MAEA: variants seen among roughly 807,000 people sequenced by gnomAD.
MAEA encodes E3 ubiquitin-protein transferase MAEA.
MAEA carries 22 observed loss-of-function variants against 46.2 expected under a neutral mutation model. The observed-to-expected ratio is 0.48, with a 90% CI of 0.34 to 0.68. The LOEUF (loss-of-function observed/expected upper bound fraction) is 0.68, where lower values mean the gene tolerates loss of function less well. Among genes scored for constraint, MAEA ranks in the 30% least tolerant of loss-of-function variants. The pLI is 0.01. For missense variants in MAEA, 393 were observed against 558.1 expected (o/e 0.70, Z 2.98); for synonymous variants, 246 against 222.6 (o/e 1.11, Z -0.94).
In MAEA at chr4:1,336,978, T is replaced by A; in HGVS notation, c.883T>A (p.Ser295Thr). The change falls in exon 7 of 9, where the codon TCA becomes ACA. Residue 295 changes from serine to threonine, a missense_variant. By Grantham distance (58) the Ser-to-Thr change is moderately conservative. Transcript: ENST00000303400. ...CACCCTCACCCTGCAGGCTGGCCTC[T>A]CAGCCATCAAGACACCGTATCCTAC... is the stretch of plus-strand genomic sequence containing the variant. The part of the protein sequence containing the change: ...VFTLTLQAGL[S>T]AIKTPQCYKE... 6.2e-7 allele frequency: 1 copy of A among 1,613,974 alleles called. No homozygotes were observed. The highest frequency in any genetic ancestry group is 8.5e-7 in the Non-Finnish European group (1 of 1,180,008).
intron 1 of MAEA, among the ~76,000 whole-genome samples, chr4:1,306,350 T>TA (rs954921829): frequency 3.9e-5 from 6 of 151,948 alleles, no homozygotes; most frequent in African/African-American, 1.5e-4. Flanking sequence ...TTTTCCCCAT[T>TA]AAAAAAATGG....
At chr4:1,297,871 G>C (rs1425632672) in intron 1 of MAEA, 2 of 408,478 alleles carry the variant, frequency 4.9e-6, no homozygotes, top group Non-Finnish European at 1.0e-5. Flanking sequence ...GCTGTGGTCA[G>C]CCTCTTGCGT....
At chr4:1,300,708 G>A (rs1187812645) in intron 1 of MAEA, among the ~76,000 whole-genome samples, 1 of 152,262 alleles carries the variant, frequency 6.6e-6, no homozygotes, top group Non-Finnish European at 1.5e-5. Flanking sequence ...GGCTGGCTAA[G>A]GCTGGGCCTA....
intron 3 of MAEA, 101 bp downstream of exon 3, chr4:1,315,701 C>T (rs1284794376): frequency 1.8e-6 from 2 of 1,098,018 alleles, no homozygotes; most frequent in Admixed American, 2.1e-5. Flanking sequence ...TCCCTACATG[C>T]TTGTGTTCCC....
intron 1 of MAEA, among the ~76,000 whole-genome samples, chr4:1,291,020 C>T (rs532638703): frequency 6.6e-6 from 1 of 152,276 alleles, no homozygotes; most frequent in South Asian, 2.1e-4. Flanking sequence ...TGAGTGACCA[C>T]GTATTGTTTC....
intron 3 of MAEA, among the ~76,000 whole-genome samples, chr4:1,318,664 C>T (rs1737628324): frequency 6.6e-6 from 1 of 152,092 alleles, no homozygotes; most frequent in Non-Finnish European, 1.5e-5. Flanking sequence ...CACTAGGAAG[C>T]CCTGGGGAAG....
intron 3 of MAEA, 96 bp downstream of exon 3, chr4:1,315,696 A>ACACGG: frequency 8.9e-7 from 1 of 1,124,356 alleles, no homozygotes; most frequent in Non-Finnish European, 1.3e-6. Flanking sequence ...CTGTGTCCCT[A>ACACGG]CATGCTTGTG....
intron 3 of MAEA, among the ~76,000 whole-genome samples, chr4:1,316,524 C>T (rs1484850036): frequency 6.6e-6 from 1 of 152,122 alleles, no homozygotes; most frequent in Non-Finnish European, 1.5e-5. Context: ...CCCCATGGCC[C>T]TGTCCCGGGC....
At chr4:1,305,934 G>A (rs1327254785) in intron 1 of MAEA, among the ~76,000 whole-genome samples, 1 of 152,204 alleles carries the variant, frequency 6.6e-6, no homozygotes, top group Non-Finnish European at 1.5e-5. Flanking sequence ...CTGTCGGGCG[G>A]GCGGGAGATC....
chr4:1,291,967 G>C (rs1295948336), intron 1 of MAEA, among the ~76,000 whole-genome samples: 1 of 152,190 alleles, frequency 6.6e-6, no homozygotes, highest in Non-Finnish European at 1.5e-5. Flanking sequence ...GATAATGGAG[G>C]TGTTTTGCTG....
chr4:1,293,720 C>T (rs1463248149), intron 1 of MAEA, among the ~76,000 whole-genome samples: 1 of 152,228 alleles, frequency 6.6e-6, no homozygotes. Flanking sequence ...CCCCAGAGGA[C>T]AGGCTGAGAA....
chr4:1,311,109 G>GC lies in MAEA; in HGVS notation c.70-869dup, dbSNP rs1736442236. Among the ~76,000 whole-genome samples the GC allele has an allele frequency of 6.6e-6, 1 of 152,228 alleles. No individual in the cohort carries two copies. Among genetic ancestry groups the GC allele is most frequent in the Non-Finnish European group, 1.5e-5 (1 of 68,038 alleles). The stretch of plus-strand genomic sequence containing the variant: ...GGCTGGAGAGGAGGCGAGGTGGAGC[G>GC]CTTGTTCTGGCACAGCTGCGACGGC... On this transcript the variant is annotated intron_variant, in intron 1 of 8. Coordinates refer to ENST00000303400, the MANE Select transcript of MAEA (RefSeq NM_001017405.3). The surrounding 1 kb of genome is among the most constrained non-coding windows in gnomAD (Gnocchi z 4.4).
intron 3 of MAEA, among the ~76,000 whole-genome samples, chr4:1,320,839 G>A (rs1204758378): frequency 2.0e-5 from 3 of 151,530 alleles, no homozygotes; most frequent in East Asian, 2.0e-4. Context: ...GGTGGCTCAC[G>A]CCTGTAATCC....
At chr4:1,327,799 TC>T in intron 5 of MAEA, 96 bp downstream of exon 5, 2 of 868,762 alleles carry the variant, frequency 2.3e-6, no homozygotes, top group South Asian at 3.6e-5. Context: ...TCCTGGGACG[TC>T]CCCTGGGTCG....
intron 7 of MAEA, chr4:1,337,483 A>C: frequency 1.1e-5 from 2 of 184,840 alleles, no homozygotes; most frequent in East Asian, 1.8e-4. Flanking sequence ...CCTGCCTGTG[A>C]CTCACTCGGC....
rs111976222 is a variant in MAEA, at chr4:1,315,567, G to A, written c.423G>A (p.Thr141=). The change falls in exon 3 of 9, where the codon ACG becomes ACA. Residue 141 remains threonine, a synonymous_variant. Transcript: ENST00000303400. ...TGCTGCGTTGCGGCTACTACAACAC[G>A]GCTGTCAAGCTGGCGCGCCAGAGCG... is the stretch of plus-strand genomic sequence containing the variant. ...EHLLRCGYYN[T]AVKLARQSGI... is the part of the protein sequence containing the mutation. 9,347 of 1,613,474 alleles carry A rather than the reference G, an allele frequency of 5.8e-3. 43 individuals are homozygous for A. Among genetic ancestry groups the A allele is most frequent in the Middle Eastern group, 0.01 (63 of 6,058 alleles).
At chr4:1,318,994 G>T (rs76562474) in intron 3 of MAEA, among the ~76,000 whole-genome samples, 1 of 151,950 alleles carries the variant, frequency 6.6e-6, no homozygotes, top group Non-Finnish European at 1.5e-5. Flanking sequence ...GCCTGCTGCC[G>T]AGGGAAGGCT....
In MAEA at chr4:1,312,136, A is replaced by T; in HGVS notation, c.227A>T (p.Glu76Val). 1 of 1,613,928 alleles carries T rather than the reference A, an allele frequency of 6.2e-7. No individual in the cohort carries two copies. Among genetic ancestry groups the T allele is most frequent in the Non-Finnish European group, 8.5e-7 (1 of 1,180,042 alleles). The change falls in exon 2 of 9, where the codon GAG (glutamate) becomes GTG (valine). Residue 76 changes from glutamate to valine, a missense_variant. By Grantham distance (121) the Glu-to-Val change is moderately radical. Transcript: ENST00000303400. ...GTCAGCCTGCTGGACGGCGTGGTGGAGAAGCTCAGCGTCCTCAAGAGGAAG... is the reference window on the plus strand; with the variant it reads ...GTCAGCCTGCTGGACGGCGTGGTGGTGAAGCTCAGCGTCCTCAAGAGGAAG... The part of the protein sequence containing the change: ...SVVSLLDGVV[E>V]KLSVLKRKAV...
intron 1 of MAEA, among the ~76,000 whole-genome samples, chr4:1,304,397 G>T (rs1038113810): frequency 9.2e-5 from 14 of 152,030 alleles, no homozygotes; most frequent in Non-Finnish European, 1.9e-4. Flanking sequence ...GCCTCCCAAA[G>T]CACGGGGATT....
Sources: allele counts gnomAD v4.1 joint callset (sites outside exome capture counted in the v4.1 genomes callset), GRCh38; gene constraint gnomAD v4.1.1; non-coding constraint Gnocchi (gnomAD v3.1); transcripts MANE v1.5; gene names NCBI Gene and HGNC (gene_info 2026-07-23, HGNC 2026-07-21).